Variants in MGAT4C observed in about 807,000 individuals in gnomAD.
The protein encoded by MGAT4C is alpha-1,3-mannosyl-glycoprotein 4-beta-N-acetylglucosaminyltransferase C.
In MGAT4C, 19 loss-of-function variants were observed where a neutral mutation model predicts 40.1. That is an observed-to-expected ratio of 0.47 (90% confidence interval 0.33 to 0.70). The LOEUF (loss-of-function observed/expected upper bound fraction) is 0.70. MGAT4C is among the 30% of genes least tolerant of loss of function. MGAT4C has a pLI of 0.02. For synonymous variants in MGAT4C, 181 were observed against 187.1 expected (o/e 0.97, Z 0.27); for missense variants, 491 against 563.2 (o/e 0.87, Z 1.30).
At chr12:86,754,810 G>A (rs1434394688) in intron 1 of MGAT4C, among the ~76,000 whole-genome samples, 1 of 152,076 alleles carries the variant, frequency 6.6e-6, no homozygotes, top group Non-Finnish European at 1.5e-5. Flanking sequence ...GGACAGAGCT[G>A]AGAAGAGTTT....
chr12:86,565,251 G>A (rs944140097), intron 2 of MGAT4C, among the ~76,000 whole-genome samples: 4 of 152,218 alleles, frequency 2.6e-5, no homozygotes, highest in African/African-American at 9.6e-5. Context: ...AGGTCCTGAC[G>A]TCACAAATTA....
intron 1 of MGAT4C, among the ~76,000 whole-genome samples, chr12:86,242,523 C>A (rs1951832459): frequency 6.6e-6 from 1 of 152,120 alleles, no homozygotes; most frequent in South Asian, 2.1e-4. Flanking sequence ...CATGTAATGA[C>A]TCCTTTTTAA....
At chr12:86,682,638 A>G (rs1034834559) in intron 2 of MGAT4C, among the ~76,000 whole-genome samples, 1 of 152,166 alleles carries the variant, frequency 6.6e-6, no homozygotes, top group African/African-American at 2.4e-5. Context: ...GTCACATTAT[A>G]ACCTGCAATA....
chr12:86,406,553 GT>G (rs1956478956), intron 3 of MGAT4C, among the ~76,000 whole-genome samples: 1 of 151,808 alleles, frequency 6.6e-6, no homozygotes, highest in South Asian at 2.1e-4. Context: ...TATGTATTTT[GT>G]TTTTTAGCCA....
intron 2 of MGAT4C, among the ~76,000 whole-genome samples, chr12:86,030,715 A>G (rs1890679865): frequency 6.6e-6 from 1 of 151,800 alleles, no homozygotes; most frequent in Non-Finnish European, 1.5e-5. Flanking sequence ...AGCACATTTT[A>G]TTATTAAATT....
rs1027968473 is a variant in MGAT4C at position 85,968,723 on chromosome 12, A to G, written c.*10566T>C. On this transcript the variant is annotated 3_prime_UTR_variant, in exon 5 of 5. Coordinates refer to ENST00000611864, the MANE Select transcript of MGAT4C (RefSeq NM_001351288.2). ...ATCACTTAGGAAGAATTTTAAAAGT[A>G]TGCTGATGCCTGGAAACTCCAGAAC... 1 of 151,942 alleles carries G rather than the reference A, an allele frequency of 6.6e-6. No individual in the cohort carries two copies. The highest frequency in any genetic ancestry group is 2.4e-5 in the African/African-American group (1 of 41,434). The allele number at this position is 151,942 out of a possible 1,614,324, so 9.4% of individuals were successfully genotyped here. A position where few individuals can be genotyped will look rare whatever the true frequency, so the allele number is the denominator to read the frequency against.
intron 4 of MGAT4C, among the ~76,000 whole-genome samples, chr12:86,273,887 A>T (rs1000136733): frequency 6.6e-6 from 1 of 152,208 alleles, no homozygotes; most frequent in African/African-American, 2.4e-5. Flanking sequence ...CTTTAATGGT[A>T]CTTGCACCTT....
At chr12:86,544,184 TTG>T (rs1959181730) in intron 2 of MGAT4C, among the ~76,000 whole-genome samples, 1 of 152,182 alleles carries the variant, frequency 6.6e-6, no homozygotes, top group Non-Finnish European at 1.5e-5. Context: ...AAGATCTGAA[TTG>T]TGTGTTTTCC....
chr12:86,575,026 G>A (rs1593002173), intron 2 of MGAT4C, among the ~76,000 whole-genome samples: 1 of 151,484 alleles, frequency 6.6e-6, no homozygotes, highest in African/African-American at 2.4e-5. Context: ...CCAGGTCTAT[G>A]TTACATTCCC....
At chr12:86,207,102 C>T (rs1593235274) in intron 1 of MGAT4C, among the ~76,000 whole-genome samples, 1 of 59,546 alleles carries the variant, frequency 1.7e-5, no homozygotes, top group Non-Finnish European at 4.5e-5. Flanking sequence ...ATGTTGGACC[C>T]TTTTTTTTCT....
chr12:86,299,800 C>G (rs543407288), intron 4 of MGAT4C, among the ~76,000 whole-genome samples: 7 of 152,102 alleles, frequency 4.6e-5, no homozygotes, highest in Non-Finnish European at 7.4e-5. Context: ...TATTTTACTT[C>G]TGTGTGCAAA....
intron 2 of MGAT4C, among the ~76,000 whole-genome samples, chr12:85,998,538 G>T (rs1264103377): frequency 6.6e-6 from 1 of 152,088 alleles, no homozygotes; most frequent in East Asian, 1.9e-4. Context: ...GTCACCTCTT[G>T]AATGCCTTGC....
At chr12:86,010,299 C>A (rs1888328471) in intron 2 of MGAT4C, among the ~76,000 whole-genome samples, 1 of 152,180 alleles carries the variant, frequency 6.6e-6, no homozygotes, top group Non-Finnish European at 1.5e-5. Flanking sequence ...TTAAACAAAA[C>A]TGCAAGAGTT....
At chr12:86,611,043 A>G (rs564381930) in intron 2 of MGAT4C, among the ~76,000 whole-genome samples, 1 of 152,014 alleles carries the variant, frequency 6.6e-6, no homozygotes, top group South Asian at 2.1e-4. Flanking sequence ...GACAACCAGA[A>G]GGTGTATAGT....
chr12:86,394,640 T>TATA (rs1956222290), intron 3 of MGAT4C, among the ~76,000 whole-genome samples: 1 of 126,126 alleles, frequency 7.9e-6, no homozygotes. Flanking sequence ...ATATATGTAC[T>TATA]TTTTTTTTTT....
intron 1 of MGAT4C, among the ~76,000 whole-genome samples, chr12:86,167,261 A>G (rs1886291427): frequency 6.6e-6 from 1 of 152,232 alleles, no homozygotes. Context: ...CATGATAGTT[A>G]TAGTCATACA....
chr12:86,368,175 T>C (rs991078792), intron 3 of MGAT4C, among the ~76,000 whole-genome samples: 1 of 152,124 alleles, frequency 6.6e-6, no homozygotes, highest in Non-Finnish European at 1.5e-5. Flanking sequence ...GAATATGATA[T>C]CTAAAATATG....
intron 2 of MGAT4C, among the ~76,000 whole-genome samples, chr12:86,698,051 G>T (rs776662733): frequency 6.6e-6 from 1 of 151,916 alleles, no homozygotes; most frequent in Non-Finnish European, 1.5e-5. Flanking sequence ...GCAATAATGC[G>T]AAAAATATGG....
At chr12:86,221,372 G>C (rs1319758396) in intron 1 of MGAT4C, among the ~76,000 whole-genome samples, 1 of 152,082 alleles carries the variant, frequency 6.6e-6, no homozygotes, top group Non-Finnish European at 1.5e-5. Context: ...CACAAAAAAA[G>C]GAGATAATAT....
Sources: gnomAD v4.1 joint callset for allele counts (sites outside exome capture counted in the v4.1 genomes callset) on GRCh38, gnomAD v4.1.1 for gene constraint, MANE v1.5 for transcripts, NCBI Gene and HGNC (gene_info 2026-07-23, HGNC 2026-07-21) for gene names.